The following ABCA4 variants were observed in gnomAD, a reference collection of about 807,000 sequenced individuals.
The protein encoded by ABCA4 is ATP binding cassette subfamily A member 4, also known as retinal-specific phospholipid-transporting ATPase ABCA4.
ABCA4 carries 196 observed loss-of-function variants against 263.7 expected under a neutral mutation model. The observed-to-expected ratio is 0.74, with a 90% confidence interval of 0.66 to 0.84. The LOEUF (loss-of-function observed/expected upper bound fraction) is 0.84. Ranked by LOEUF, ABCA4 falls within the 40% of genes least tolerant of loss-of-function variation. ABCA4 has a pLI of 0.00. For synonymous variants in ABCA4, 1,133 were observed against 1,094.2 expected (o/e 1.04, Z -0.70); for missense variants, 2,792 against 2,855.1 (o/e 0.98, Z 0.50).
chr1:94,031,817 G>A lies in ABCA4; in HGVS notation c.4089C>T (p.Phe1363=), dbSNP rs760568382. ...QHVQALLVKR[F]QHTIRSHKDF... is the part of the protein sequence containing the mutation. ...CCTTGTGGCTGCGGATGGTGTGTTG[G>A]AATCTCTTGACCAGCAGCGCCTGCA... The change falls in exon 27 of 50, where the codon TTC becomes TTT. Residue 1363 remains phenylalanine, a synonymous_variant. Coordinates refer to ENST00000370225, the MANE Select transcript of ABCA4 (RefSeq NM_000350.3). 3 of 1,614,076 alleles carry A rather than the reference G, an allele frequency of 1.9e-6. No individual in the cohort carries two copies. The South Asian group carries it at 3.3e-5, about 18-fold the overall frequency.
At chr1:94,028,913 A>AC in intron 30 of ABCA4, among the ~76,000 whole-genome samples, 1 of 148,280 alleles carries the variant, frequency 6.7e-6, no homozygotes, top group Non-Finnish European at 1.5e-5. Context: ...TCTCAAAAAA[A>AC]AAAAAAAAAA....
At chr1:94,004,653 A>C (rs1659320852) in intron 44 of ABCA4, among the ~76,000 whole-genome samples, 1 of 151,916 alleles carries the variant, frequency 6.6e-6, no homozygotes, top group African/African-American at 2.4e-5. Flanking sequence ...TTTTGTTTTC[A>C]TTTTTGCCTA....
intron 14 of ABCA4, among the ~76,000 whole-genome samples, chr1:94,058,784 A>G (rs1365976312): frequency 6.6e-6 from 1 of 152,236 alleles, no homozygotes; most frequent in Non-Finnish European, 1.5e-5. Context: ...CTGTGACCCT[A>G]CAGTTTCACC....
At chr1:94,118,617 G>A (rs773339384) in intron 1 of ABCA4, among the ~76,000 whole-genome samples, 8 of 152,178 alleles carry the variant, frequency 5.3e-5, no homozygotes, top group Non-Finnish European at 1.0e-4. Context: ...GGGAGCCATC[G>A]GGAGGCGTGC....
chr1:94,101,778 C>A (rs779583488), intron 5 of ABCA4, among the ~76,000 whole-genome samples: 11 of 152,222 alleles, frequency 7.2e-5, no homozygotes, highest in Non-Finnish European at 1.2e-4. Context: ...ACTGAAGAAG[C>A]TGGGCGGGGA....
chr1:94,027,650 A>G (rs1489799645), intron 30 of ABCA4, among the ~76,000 whole-genome samples: 1 of 152,188 alleles, frequency 6.6e-6, no homozygotes, highest in Non-Finnish European at 1.5e-5. Context: ...TTGGCCTAGA[A>G]CCATTTATAA....
chr1:94,081,470 G>A (rs949265968), intron 7 of ABCA4, among the ~76,000 whole-genome samples: 2 of 152,028 alleles, frequency 1.3e-5, no homozygotes, highest in Non-Finnish European at 2.9e-5. Flanking sequence ...CAAGATCAGA[G>A]CAAATTTCTT....
intron 11 of ABCA4, among the ~76,000 whole-genome samples, chr1:94,076,282 G>T (rs1557793266): frequency 1.3e-5 from 2 of 152,068 alleles, no homozygotes; most frequent in Admixed American, 6.5e-5. Flanking sequence ...GGGATTTTTG[G>T]TGTATAGATG....
intron 40 of ABCA4, among the ~76,000 whole-genome samples, chr1:94,009,074 C>T (rs932364462): frequency 1.3e-5 from 2 of 152,096 alleles, no homozygotes; most frequent in Non-Finnish European, 2.9e-5. Flanking sequence ...CCAGAGTCAG[C>T]CTTGGGTTCC....
chr1:93,993,220 A>G lies in ABCA4; in HGVS notation c.*17T>C. On this transcript the variant is annotated 3_prime_UTR_variant, in exon 50 of 50. Coordinates refer to ENST00000370225, the MANE Select transcript of ABCA4 (RefSeq NM_000350.3). ...CCAGAGTTCCTTTCTGGCTGCAGGA[A>G]CGAGCGGTGTGAAAGATCAGTCCTG... The G allele has an allele frequency of 1.2e-6, 2 of 1,613,906 alleles. No homozygotes were observed. Among genetic ancestry groups the G allele is most frequent in the Non-Finnish European group, 8.5e-7 (1 of 1,179,852 alleles).
At chr1:94,098,673 TG>T in intron 6 of ABCA4, 120 bp downstream of exon 6, 2 of 1,191,014 alleles carry the variant, frequency 1.7e-6, no homozygotes, top group South Asian at 1.3e-5. Context: ...CCTGGGAGCC[TG>T]GAGCTTTTGC....
chr1:93,997,226 C>G (rs1370984964), intron 48 of ABCA4, among the ~76,000 whole-genome samples: 1 of 152,154 alleles, frequency 6.6e-6, no homozygotes, highest in Non-Finnish European at 1.5e-5. Flanking sequence ...TATCAAAACT[C>G]ACTAAACTGT....
At position 94,060,690 on chromosome 1, in the gene ABCA4, C is replaced by G. The variant is rs545963645; in HGVS notation, c.2007G>C (p.Met669Ile). 14 of 1,614,130 alleles carry G rather than the reference C, an allele frequency of 8.7e-6. No individual in the cohort carries two copies. The highest frequency in any genetic ancestry group is 1.6e-4 in the Middle Eastern group (1 of 6,062). Residue 669 changes from methionine (M) to isoleucine (I), a missense_variant, in exon 14 of 50, where the codon ATG becomes ATC. Physicochemically the swap from Met to Ile is conservative, Grantham distance 10. Transcript: ENST00000370225. Reference protein sequence around the residue: ...MVLAWIYSVSMTVKSIVLEKE... With the variant: ...MVLAWIYSVSITVKSIVLEKE... The stretch of plus-strand genomic sequence containing the variant: ...TCTCCAAGACGATGCTCTTCACAGT[C>G]ATGGAGACAGAGTAGATCCATGCCA...
At chr1:94,049,072 T>A in intron 17 of ABCA4, 115 bp from the exon 18 acceptor site, 1 of 942,794 alleles carries the variant, frequency 1.1e-6, no homozygotes, top group Middle Eastern at 3.1e-4. Flanking sequence ...GCCTTTGACC[T>A]GCTCTAGGAC....
At position 94,078,669 on chromosome 1, in the gene ABCA4, T is replaced by C; in HGVS notation, c.1277A>G (p.Lys426Arg). Residue 426 changes from lysine to arginine, a missense_variant, in exon 10 of 50, where the codon AAG becomes AGG. Physicochemically the swap from Lys to Arg is conservative, Grantham distance 26 (BLOSUM62 2). Coordinates refer to ENST00000370225, the MANE Select transcript of ABCA4 (RefSeq NM_000350.3). ...STFEELEHVRKLVKAWEEVGP... is the reference protein window; with the variant it reads ...STFEELEHVRRLVKAWEEVGP... ...TACTTCTTCCCAGGCTTTGACCAAC[T>C]TCCTAACGTGTTCCAGTTCTTCAAA... The C allele has an allele frequency of 6.3e-7, 1 of 1,592,396 alleles. No individual in the cohort carries two copies. Among genetic ancestry groups the C allele is most frequent in the Non-Finnish European group, 8.6e-7 (1 of 1,166,754 alleles).
chr1:94,103,192 A>G, intron 4 of ABCA4, 50 bp from the exon 5 acceptor site: 2 of 1,607,508 alleles, frequency 1.2e-6, no homozygotes, highest in Non-Finnish European at 1.7e-6. Flanking sequence ...AAATGGGTCA[A>G]AAAAAGGAAA....
At chr1:94,086,593 AG>A (rs372939321) in intron 6 of ABCA4, among the ~76,000 whole-genome samples, 1,578 of 152,308 alleles carry the variant, frequency 0.01, 17 homozygotes, top group Non-Finnish European at 0.017. Context: ...ACTTATATAA[AG>A]TACAAGGCAA....
At chr1:94,047,653 G>T (rs1021882723) in intron 18 of ABCA4, among the ~76,000 whole-genome samples, 1 of 152,100 alleles carries the variant, frequency 6.6e-6, no homozygotes, top group African/African-American at 2.4e-5. Context: ...TTTCTGGACC[G>T]CCATTCTCTT....
At position 93,999,397 on chromosome 1, in the gene ABCA4, CACGTGG is replaced by C. The variant is rs981811876; in HGVS notation, c.6480-1293_6480-1288del. ...GGGATCCCAAGACTGCCCATAAAGA[CACGTGG>C]ACCAGTGCATACTGAGTGGTGGTAA... On this transcript the variant is annotated intron_variant, in intron 47 of 49. Coordinates refer to ENST00000370225, the MANE Select transcript of ABCA4 (RefSeq NM_000350.3). 4.6e-5 allele frequency among the ~76,000 whole-genome samples: 7 copies of C among 152,200 alleles called. 1 individual carries two copies. Among genetic ancestry groups the C allele is most frequent in the Admixed American group, 3.3e-4 (5 of 15,284 alleles).
Sources: gnomAD v4.1 joint callset for allele counts (sites outside exome capture counted in the v4.1 genomes callset) on GRCh38, gnomAD v4.1.1 for gene constraint, MANE v1.5 for transcripts, NCBI Gene and HGNC (gene_info 2026-07-23, HGNC 2026-07-21) for gene names.